IQGAP2: variants seen among roughly 807,000 people sequenced by gnomAD.
IQGAP2 encodes the protein IQ motif containing GTPase activating protein 2.
A neutral mutation model predicts 201.3 loss-of-function variants in IQGAP2; 173 were observed. The ratio of observed to expected loss-of-function variants is 0.86; its 90% confidence interval spans 0.76 to 0.98. The LOEUF is 0.98. Ranked by LOEUF, IQGAP2 falls within the 50% of genes least tolerant of loss-of-function variation. IQGAP2 has a pLI of 0.00. For missense variants in IQGAP2, 1,687 were observed against 1,864.8 expected (o/e 0.90, Z 1.76); for synonymous variants, 675 against 673.9 (o/e 1.00, Z -0.03).
At chr5:76,627,271 ACAGTATATGG>A in intron 13 of IQGAP2, 129 bp from the exon 14 acceptor site, 1 of 687,944 alleles carries the variant, frequency 1.5e-6, no homozygotes, top group East Asian at 2.8e-5. Context: ...AGGAGTGTGT[ACAGTATATGG>A]CAGAGCTGGA....
At chr5:76,570,718 C>T (rs1745054025) in intron 4 of IQGAP2, 61 bp downstream of exon 4, 2 of 1,083,128 alleles carry the variant, frequency 1.8e-6, no homozygotes, top group African/African-American at 3.1e-5. Flanking sequence ...ACAAACATCT[C>T]TTTATGAGCA....
intron 17 of IQGAP2, 114 bp from the exon 18 acceptor site, chr5:76,652,636 G>C: frequency 1.3e-6 from 1 of 772,698 alleles, no homozygotes; most frequent in Non-Finnish European, 2.4e-6. Context: ...TGAAGGGAGG[G>C]TGCCTGACAG....
chr5:76,423,687 A>G (rs1751852299), intron 1 of IQGAP2, among the ~76,000 whole-genome samples: 1 of 152,254 alleles, frequency 6.6e-6, no homozygotes, highest in South Asian at 2.1e-4. Flanking sequence ...AGATGAAAGA[A>G]GAAAGAGTGG....
At chr5:76,473,831 G>C (rs1011435529) in intron 2 of IQGAP2, among the ~76,000 whole-genome samples, 3 of 152,154 alleles carry the variant, frequency 2.0e-5, no homozygotes, top group African/African-American at 7.2e-5. Flanking sequence ...AACATCAAAA[G>C]GTATGAGTAG....
In IQGAP2 at chr5:76,698,077, G is replaced by A. The variant is rs144434710; in HGVS notation, c.4297G>A (p.Ala1433Thr). The change falls in exon 33 of 36, where the codon GCA becomes ACA. Residue 1433 changes from alanine (A) to threonine (T), a missense_variant. Coordinates refer to ENST00000274364, the MANE Select transcript of IQGAP2 (RefSeq NM_006633.5). ...CCTGAATGCACTTAACAAGAAGGCA[G>A]CATTTTATGAAGAGCAAATCAATTA... ...QTLNALNKKA[A>T]FYEEQINYYD... The A allele has an allele frequency of 1.8e-5, 29 of 1,612,378 alleles. No individual in the cohort carries two copies. Among genetic ancestry groups the A allele is most frequent in the Non-Finnish European group, 2.3e-5 (27 of 1,178,692 alleles).
chr5:76,413,294 G>A (rs1028773131), intron 1 of IQGAP2, among the ~76,000 whole-genome samples: 3 of 148,596 alleles, frequency 2.0e-5, no homozygotes, highest in Non-Finnish European at 4.4e-5. Context: ...TCAGCCTCCC[G>A]AGTAGCTGAG....
At chr5:76,666,625 T>G (rs1209165977) in intron 22 of IQGAP2, among the ~76,000 whole-genome samples, 1 of 152,238 alleles carries the variant, frequency 6.6e-6, no homozygotes, top group Non-Finnish European at 1.5e-5. Flanking sequence ...GAACTCTCTC[T>G]TGAAATCATA....
intron 2 of IQGAP2, among the ~76,000 whole-genome samples, chr5:76,517,267 T>G (rs533347899): frequency 5.4e-4 from 82 of 152,308 alleles, no homozygotes; most frequent in Middle Eastern, 3.4e-3. Flanking sequence ...CATGTAAATA[T>G]GCATCATCCA....
At chr5:76,459,662 A>G (rs542776072) in intron 1 of IQGAP2, among the ~76,000 whole-genome samples, 16 of 152,108 alleles carry the variant, frequency 1.1e-4, no homozygotes, top group Admixed American at 9.8e-4. Flanking sequence ...TTTTTGAGAC[A>G]GAGTCTCATA....
At chr5:76,575,645 T>C (rs761416180) in intron 4 of IQGAP2, 48 bp from the exon 5 acceptor site, 2 of 1,220,854 alleles carry the variant, frequency 1.6e-6, no homozygotes, top group South Asian at 1.4e-5. Flanking sequence ...GTTAAAATAC[T>C]TGTGAGAAGC....
intron 21 of IQGAP2, among the ~76,000 whole-genome samples, chr5:76,664,646 G>A (rs377718351): frequency 3.3e-5 from 5 of 151,686 alleles, no homozygotes; most frequent in East Asian, 3.9e-4. Context: ...TTGCACCACT[G>A]CACTCCAGCC....
intron 23 of IQGAP2, among the ~76,000 whole-genome samples, chr5:76,669,378 G>A (rs1339244156): frequency 6.6e-6 from 1 of 152,148 alleles, no homozygotes; most frequent in Non-Finnish European, 1.5e-5. Context: ...TATTGGTTTT[G>A]GGAGCACGGG....
rs1486801951 is a variant in IQGAP2 at position 76,443,192 on chromosome 5, A to C, written c.47-18378A>C. Among the ~76,000 whole-genome samples, 3 of 152,186 alleles carry C rather than the reference A, an allele frequency of 2.0e-5. No individual in the cohort carries two copies. In the East Asian group the frequency reaches 5.8e-4, roughly 29 times the overall value. The stretch of plus-strand genomic sequence containing the variant: ...ACATGTCAGGATTTATAGTCGGAAA[A>C]TATATACAAATAGTCTCCAGAGTTT... On this transcript the variant is annotated intron_variant, in intron 1 of 35. Transcript: ENST00000274364.
At chr5:76,481,607 C>T (rs1755797728) in intron 2 of IQGAP2, among the ~76,000 whole-genome samples, 1 of 152,284 alleles carries the variant, frequency 6.6e-6, no homozygotes, top group South Asian at 2.1e-4. Context: ...TTGTCTTGAA[C>T]TCCTGACCTC....
chr5:76,451,719 T>C (rs1021621518), intron 1 of IQGAP2, among the ~76,000 whole-genome samples: 1 of 152,212 alleles, frequency 6.6e-6, no homozygotes, highest in Non-Finnish European at 1.5e-5. Context: ...TATTATTATT[T>C]TTTTTTCTGC....
intron 2 of IQGAP2, among the ~76,000 whole-genome samples, chr5:76,462,166 AC>A: frequency 6.6e-6 from 1 of 152,232 alleles, no homozygotes; most frequent in South Asian, 2.1e-4. Flanking sequence ...TCTTCATCTC[AC>A]TGGCTTGGAT....
At chr5:76,411,565 TGTGAGA>T (rs1196071497) in intron 1 of IQGAP2, among the ~76,000 whole-genome samples, 1 of 152,122 alleles carries the variant, frequency 6.6e-6, no homozygotes, top group African/African-American at 2.4e-5. Flanking sequence ...TTAATGTTAT[TGTGAGA>T]GTGAGTTTGG....
chr5:76,659,813 A>G (rs548534092), intron 21 of IQGAP2, among the ~76,000 whole-genome samples: 3 of 152,136 alleles, frequency 2.0e-5, no homozygotes, highest in African/African-American at 7.2e-5. Flanking sequence ...ACCCCTACGT[A>G]TTTCCAAAAT....
At chr5:76,523,573 G>C (rs1475173034) in intron 2 of IQGAP2, among the ~76,000 whole-genome samples, 2 of 152,156 alleles carry the variant, frequency 1.3e-5, no homozygotes, top group Admixed American at 6.5e-5. Flanking sequence ...AATGTAGCTT[G>C]TTACAAGTAT....
Sources: allele counts gnomAD v4.1 joint callset (sites outside exome capture counted in the v4.1 genomes callset), GRCh38; gene constraint gnomAD v4.1.1; transcripts MANE v1.5; gene names NCBI Gene and HGNC (gene_info 2026-07-23, HGNC 2026-07-21).